LIPA: variants seen among roughly 807,000 people sequenced by gnomAD.
LIPA encodes the protein lysosomal acid lipase/cholesteryl ester hydrolase.
In LIPA, 26 loss-of-function variants were observed where a neutral mutation model predicts 40.6. The observed-to-expected ratio is 0.64, with a 90% CI of 0.47 to 0.89. The LOEUF (loss-of-function observed/expected upper bound fraction) is 0.89, where lower values mean the gene tolerates loss of function less well. LIPA is among the 40% of genes least tolerant of loss of function. The pLI, the probability that LIPA is intolerant of heterozygous loss-of-function variation, is 0.00. For synonymous variants in LIPA, 188 were observed against 168.4 expected, an observed-to-expected ratio of 1.12 and a Z score of -0.90; for missense variants, 455 against 479.6, an observed-to-expected ratio of 0.95 and a Z score of 0.48.
intron 2 of LIPA, among the ~76,000 whole-genome samples, chr10:89,387,639 C>A (rs1437889752): frequency 2.0e-5 from 3 of 152,156 alleles, no homozygotes; most frequent in African/African-American, 7.2e-5. Flanking sequence ...GTTTTTGCAA[C>A]CATGTCAATA....
chr10:89,387,868 T>C (rs1006363491), intron 2 of LIPA, among the ~76,000 whole-genome samples: 2 of 152,164 alleles, frequency 1.3e-5, no homozygotes, highest in African/African-American at 4.8e-5. Flanking sequence ...GTGTTCATTG[T>C]AAAATACTCT....
intron 1 of LIPA, chr10:89,308,620 G>A (rs1235398539): frequency 6.6e-6 from 1 of 152,202 alleles, no homozygotes; most frequent in Admixed American, 6.5e-5. Context: ...ATCAAAGTTG[G>A]TGTGAACCAA....
chr10:89,306,423 G>A, intron 1 of LIPA: 1 of 1,614,148 alleles, frequency 6.2e-7, no homozygotes, highest in Non-Finnish European at 8.5e-7. Flanking sequence ...CAAAATGAAA[G>A]AGCGAAGGTG....
At chr10:89,239,552 T>C (rs987771278) in intron 3 of LIPA, among the ~76,000 whole-genome samples, 6 of 152,210 alleles carry the variant, frequency 3.9e-5, no homozygotes, top group African/African-American at 1.4e-4. Flanking sequence ...GGGGAGCAGG[T>C]GACCTGCAGG....
At chr10:89,340,377 T>G in intron 1 of LIPA, 1 of 293,400 alleles carries the variant, frequency 3.4e-6, no homozygotes, top group Non-Finnish European at 6.4e-6. Flanking sequence ...GCTAACACAG[T>G]GAAATCCCGT....
chr10:89,324,963 G>A (rs78319414), intron 1 of LIPA, among the ~76,000 whole-genome samples: 4,289 of 152,054 alleles, frequency 0.028, 80 homozygotes, highest in Non-Finnish European at 0.042. Context: ...AAATAGTGCC[G>A]CAATAAACAT....
intron 3 of LIPA, among the ~76,000 whole-genome samples, chr10:89,235,973 G>C (rs1842900150): frequency 6.6e-6 from 1 of 152,094 alleles, no homozygotes; most frequent in Non-Finnish European, 1.5e-5. Flanking sequence ...CTCATACATG[G>C]ATTTTTTTTC....
chr10:89,298,648 T>C (rs1251851714), intron 1 of LIPA, among the ~76,000 whole-genome samples: 2 of 152,096 alleles, frequency 1.3e-5, no homozygotes, highest in African/African-American at 4.8e-5. Flanking sequence ...AGGAATACAA[T>C]TCCCCAGCAA....
intron 2 of LIPA, chr10:89,412,775 A>C (rs1306168524): frequency 2.3e-6 from 1 of 429,652 alleles, no homozygotes; most frequent in East Asian, 8.4e-5. Context: ...TGAAGTCAGC[A>C]AGACCACGAA....
intron 2 of LIPA, among the ~76,000 whole-genome samples, chr10:89,376,911 C>T (rs1263773493): frequency 1.3e-5 from 2 of 152,138 alleles, no homozygotes; most frequent in African/African-American, 2.4e-5. Flanking sequence ...AATAGCACAG[C>T]GAGGCTACAG....
At chr10:89,253,873 A>G (rs567350486), upstream of LIPA, among the ~76,000 whole-genome samples, 238 of 152,374 alleles carry the variant, frequency 1.6e-3, no homozygotes, top group Non-Finnish European at 2.9e-3. Context: ...AGATCCATCA[A>G]GGCAGTCATT....
At chr10:89,389,798 C>T (rs1398431445) in intron 2 of LIPA, among the ~76,000 whole-genome samples, 2 of 152,142 alleles carry the variant, frequency 1.3e-5, no homozygotes, top group East Asian at 3.9e-4. Context: ...GGAAACAAGG[C>T]ATTGAGTCGT....
At chr10:89,303,997 G>A (rs894810407) in intron 1 of LIPA, among the ~76,000 whole-genome samples, 1 of 152,188 alleles carries the variant, frequency 6.6e-6, no homozygotes, top group Non-Finnish European at 1.5e-5. Flanking sequence ...GCTCCCCAGT[G>A]TCCTGTTCTG....
At chr10:89,381,935 A>AT (rs561185495) in intron 2 of LIPA, among the ~76,000 whole-genome samples, 16 of 151,762 alleles carry the variant, frequency 1.1e-4, no homozygotes, top group African/African-American at 3.6e-4. Flanking sequence ...ACGCTGGCTA[A>AT]TTTTTTGTAT....
chr10:89,398,540 G>A (rs564956133), intron 2 of LIPA, among the ~76,000 whole-genome samples: 2 of 152,120 alleles, frequency 1.3e-5, no homozygotes, highest in African/African-American at 2.4e-5. Context: ...GGACAGACCC[G>A]GCACCCTAGT....
chr10:89,383,865 C>T (rs138882406), intron 2 of LIPA: 10 of 1,614,026 alleles, frequency 6.2e-6, no homozygotes, highest in African/African-American at 5.3e-5. Context: ...ACGCAATCAC[C>T]GTCTATCGCC....
intron 1 of LIPA, among the ~76,000 whole-genome samples, chr10:89,297,732 C>A (rs906477746): frequency 2.6e-5 from 4 of 152,190 alleles, no homozygotes; most frequent in African/African-American, 9.7e-5. Context: ...AGATACTCTC[C>A]CACTAGTGAA....
At chr10:89,355,201 C>T (rs920787923) in intron 2 of LIPA, among the ~76,000 whole-genome samples, 7 of 152,320 alleles carry the variant, frequency 4.6e-5, no homozygotes, top group African/African-American at 1.2e-4. Flanking sequence ...ATTCAGTCTC[C>T]GCTCCTCCCC....
At chr10:89,294,637 A>G (rs1224997268) in intron 1 of LIPA, among the ~76,000 whole-genome samples, 2 of 152,364 alleles carry the variant, frequency 1.3e-5, no homozygotes, top group Middle Eastern at 3.4e-3. Flanking sequence ...TTCAAACCAC[A>G]GCAAGAAGAA....
Sources: allele counts gnomAD v4.1 joint callset (sites outside exome capture counted in the v4.1 genomes callset), GRCh38; gene constraint gnomAD v4.1.1; transcripts MANE v1.5; gene names NCBI Gene and HGNC (gene_info 2026-07-23, HGNC 2026-07-21).